Variants in KMT2D observed in about 807,000 individuals in gnomAD.
KMT2D encodes the protein histone-lysine N-methyltransferase 2D.
KMT2D carries 55 observed loss-of-function variants against 512.7 expected under a neutral mutation model. That is an observed-to-expected ratio of 0.11 (90% CI 0.09 to 0.13). KMT2D has a LOEUF of 0.13. Ranked by LOEUF, KMT2D falls within the 10% of genes least tolerant of loss-of-function variation. KMT2D has a pLI of 1.00. For synonymous variants in KMT2D, 2,995 were observed against 2,904.0 expected (o/e 1.03, Z -1.01); for missense variants, 6,061 against 7,127.9 (o/e 0.85, Z 5.39).
At position 49,053,054 on chromosome 12, in the gene KMT2D, C is replaced by A. The variant is rs778714676; in HGVS notation, c.973G>T (p.Ala325Ser). 2 of 1,614,010 alleles carry A rather than the reference C, an allele frequency of 1.2e-6. No individual in the cohort carries two copies. Among genetic ancestry groups the A allele is most frequent in the East Asian group, 4.5e-5 (2 of 44,890 alleles). Residue 325 changes from alanine to serine, a missense_variant, in exon 9 of 55, where the codon GCC becomes TCC. Around this residue, in one of 16 missense-constraint regions of KMT2D, gnomAD observed 848 missense variants for 838.5 expected, o/e 1.01. Coordinates refer to ENST00000301067, the MANE Select transcript of KMT2D (RefSeq NM_003482.4). The part of the protein sequence containing the change: ...WKCKACRVCR[A>S]CGAGSAELNP... Reference sequence around the variant, plus strand: ...AGTTCTGCTGAGCCCGCCCCACAGGCCCGGCACACCCGGCACGCCTAAGGG... The same window carrying A: ...AGTTCTGCTGAGCCCGCCCCACAGGACCGGCACACCCGGCACGCCTAAGGG...
At position 49,034,445 on chromosome 12, in the gene KMT2D, C is replaced by T. The variant is rs757247893; in HGVS notation, c.10472G>A (p.Arg3491His). ...ERSAGDPSQPRPNPPTFAQGV... is the reference protein window; with the variant it reads ...ERSAGDPSQPHPNPPTFAQGV... Reference sequence around the variant, plus strand: ...CTGAGCAAAAGTGGGCGGGTTGGGACGAGGCTGGGAGGGATCACCAGCACT... The same window carrying T: ...CTGAGCAAAAGTGGGCGGGTTGGGATGAGGCTGGGAGGGATCACCAGCACT... The change falls in exon 38 of 55, where the codon CGT becomes CAT. Residue 3491 changes from arginine to histidine, a missense_variant. Arg to His is a conservative substitution (Grantham distance 29). Coordinates refer to ENST00000301067, the MANE Select transcript of KMT2D (RefSeq NM_003482.4). The T allele has an allele frequency of 3.7e-5, 60 of 1,613,624 alleles. No homozygotes were observed. The highest frequency in any genetic ancestry group is 1.5e-4 in the Admixed American group (9 of 59,954).
At position 49,040,415 on chromosome 12, in the gene KMT2D, C is replaced by T. The variant is rs1169789725; in HGVS notation, c.7355G>A (p.Arg2452His). 1.9e-5 allele frequency: 30 copies of T among 1,560,076 alleles called. 1 individual carries two copies. In the South Asian group the frequency reaches 2.8e-4, roughly 14 times the overall value. Residue 2452 changes from arginine to histidine, a missense_variant, in exon 32 of 55, where the codon CGC becomes CAC. By Grantham distance (29) the Arg-to-His change is conservative (BLOSUM62 0). Transcript: ENST00000301067. ...PRFQSPDPYSRPPSRPQSRDP... is the reference protein window; with the variant it reads ...PRFQSPDPYSHPPSRPQSRDP... ...ACGGGACTGAGGGCGTGAGGGTGGG[C>T]GAGAATAAGGGTCAGGGGACTGGAA...
chr12:49,031,052 T>C lies in KMT2D; in HGVS notation c.13531-19A>G, dbSNP rs772693931. ...CTGCATCCTAAGCCAAATAAGCCCA[T>C]TGAAGGCTGCTACCCTCCTCCTCAG... On this transcript the variant is annotated intron_variant, in intron 40 of 54. Transcript: ENST00000301067. The C allele has an allele frequency of 8.1e-6, 13 of 1,612,774 alleles. No homozygotes were observed. Among genetic ancestry groups the C allele is most frequent in the Admixed American group, 1.7e-5 (1 of 59,990 alleles).
chr12:49,019,799 A>T lies in KMT2D; in HGVS notation c.*1981T>A. 4.4e-6 allele frequency: 1 copy of T among 225,642 alleles called. No individual in the cohort carries two copies. Among genetic ancestry groups the T allele is most frequent in the Non-Finnish European group, 8.8e-6 (1 of 113,940 alleles). 14.0% of individuals were successfully genotyped at this position (225,642 alleles called of 1,614,324 possible). A position where few individuals can be genotyped will look rare whatever the true frequency, so the allele number is the denominator to read the frequency against. Reference sequence around the variant, plus strand: ...TGAAACAGTTGAGGAAGCAGCTTTAAAAAAAAAAAATCTCCCTACCCCCAA... The same window carrying T: ...TGAAACAGTTGAGGAAGCAGCTTTATAAAAAAAAAATCTCCCTACCCCCAA... On this transcript the variant is annotated 3_prime_UTR_variant, in exon 55 of 55. Coordinates refer to ENST00000301067, the MANE Select transcript of KMT2D (RefSeq NM_003482.4).
In KMT2D at chr12:49,032,156, C is replaced by A. The variant is rs770484137; in HGVS notation, c.12549G>T (p.Gln4183His). The A allele has an allele frequency of 6.8e-6, 11 of 1,613,340 alleles. No individual in the cohort carries two copies. The South Asian group carries it at 1.1e-4, about 16-fold the overall frequency. ...PKPGPVLQSG[Q>H]GLPGVGIMPT... ...GCATGATTCCAACCCCAGGCAGACC[C>A]TGCCCAGACTGGAGGACAGGTCCTG... Residue 4183 changes from glutamine to histidine, a missense_variant, in exon 40 of 55, where the codon CAG (glutamine) becomes CAT (histidine). Gln to His is a conservative substitution (Grantham distance 24, BLOSUM62 0). Around this residue, in one of 16 missense-constraint regions of KMT2D, gnomAD observed 1,600 missense variants for 1,754.9 expected, o/e 0.91. Coordinates refer to ENST00000301067, the MANE Select transcript of KMT2D (RefSeq NM_003482.4).
Position 49,050,664 on chromosome 12 carries a change from G to A in KMT2D, c.2924C>T (p.Ala975Val), listed in dbSNP as rs1937911763. 1.9e-6 allele frequency: 3 copies of A among 1,613,420 alleles called. No homozygotes were observed. Residue 975 changes from alanine to valine, a missense_variant, in exon 12 of 55, where the codon GCC becomes GTC. Physicochemically the swap from Ala to Val is moderately conservative, Grantham distance 64 (BLOSUM62 0). Coordinates refer to ENST00000301067, the MANE Select transcript of KMT2D (RefSeq NM_003482.4). ...GDSDPESPLA[A>V]PILETPISPP... ...GCTGATGGGTGTCTCCAGGATGGGG[G>A]CAGCCAACGGTGACTCAGGGTCACT...
rs398123756 is a variant in KMT2D, at chr12:49,040,735, C to T, written c.7035G>A (p.Leu2345=). The T allele has an allele frequency of 2.4e-5, 39 of 1,613,360 alleles. No individual in the cohort carries two copies. Among genetic ancestry groups the T allele is most frequent in the Admixed American group, 1.2e-4 (7 of 59,964 alleles). ...ASQVEPQSPG[L]GLRPQEPPPA... is the part of the protein sequence containing the mutation. Reference sequence around the variant, plus strand: ...GGGGTGGCTCCTGGGGCCTTAGGCCCAAGCCCGGGCTCTGGGGCTCTACCT... The same window carrying T: ...GGGGTGGCTCCTGGGGCCTTAGGCCTAAGCCCGGGCTCTGGGGCTCTACCT... Residue 2345 remains leucine, a synonymous_variant, in exon 32 of 55, where the codon TTG becomes TTA. Transcript: ENST00000301067.
chr12:49,053,870 A>G lies in KMT2D; in HGVS notation c.673+108T>C, dbSNP rs1426124128. The G allele has an allele frequency of 6.2e-6, 8 of 1,283,036 alleles. No individual in the cohort carries two copies. The African/African-American group carries it at 1.2e-4, about 19-fold the overall frequency. 79.5% of individuals were successfully genotyped at this position (1,283,036 alleles called of 1,614,324 possible). On this transcript the variant is annotated intron_variant, in intron 6 of 54. Coordinates refer to ENST00000301067, the MANE Select transcript of KMT2D (RefSeq NM_003482.4). ...GTTCACACCTATTTTAGTGGGGCAG[A>G]CCAACAGTAAATAATGCTATACTTT...
rs1943533964 is a variant in KMT2D, at chr12:49,041,591, C to G, written c.6235-56G>C. 6.2e-7 allele frequency: 1 copy of G among 1,612,314 alleles called. No individual in the cohort carries two copies. Among genetic ancestry groups the G allele is most frequent in the African/African-American group, 1.3e-5 (1 of 74,888 alleles). ...AGGCTGCTGCAGGCAGGCCCCATGG[C>G]CCTCCACCCTCAAGAGAGGCCACCC... is the stretch of plus-strand genomic sequence containing the variant. On this transcript the variant is annotated intron_variant, in intron 31 of 54. Transcript: ENST00000301067. The surrounding 1 kb of genome is among the most constrained non-coding windows in gnomAD (Gnocchi z 5.4).
Position 49,027,136 on chromosome 12 carries a change from G to C in KMT2D, c.14830C>G (p.Pro4944Ala), listed in dbSNP as rs750167046. ...VELPTEPLAE[P>A]PVPSPLPLAS... ...AGTGGCAGAGGTGAGGGGACGGGTG[G>C]CTCAGCCAAGGGTTCGGTGGGAAGT... Residue 4944 changes from proline to alanine, a missense_variant, in exon 49 of 55, where the codon CCA (proline) becomes GCA (alanine). Transcript: ENST00000301067. The C allele has an allele frequency of 6.3e-7, 1 of 1,578,882 alleles. No homozygotes were observed. Among genetic ancestry groups the C allele is most frequent in the Non-Finnish European group, 8.6e-7 (1 of 1,159,764 alleles).
Position 49,030,411 on chromosome 12 carries a change from G to C in KMT2D, c.13868C>G (p.Pro4623Arg). ...KNNLSNPPTP[P>R]SSLPPTPPPS... ...GGGTGGGGTGGGGGGCAGCGACGAG[G>C]GTGGTGTCGGCGGGTTACTCAGGTT... The change falls in exon 43 of 55, where the codon CCC (proline) becomes CGC (arginine). Residue 4623 changes from proline (P) to arginine (R), a missense_variant. Physicochemically the swap from Pro to Arg is moderately radical, Grantham distance 103 (BLOSUM62 -2). Coordinates refer to ENST00000301067, the MANE Select transcript of KMT2D (RefSeq NM_003482.4). The C allele has an allele frequency of 7.0e-7, 1 of 1,431,250 alleles. No individual in the cohort carries two copies. Among genetic ancestry groups the C allele is most frequent in the Non-Finnish European group, 9.4e-7 (1 of 1,063,500 alleles). 88.7% of individuals were successfully genotyped at this position (1,431,250 alleles called of 1,614,324 possible).
Position 49,039,691 on chromosome 12 carries a change from T to C in KMT2D, c.8046+33A>G, listed in dbSNP as rs200118069. ...AGGGCTGCCCCAGAGACAGGAGCGA[T>C]ATAGGGGGCTTAGCTCCAGGGTGTC... On this transcript the variant is annotated intron_variant, in intron 32 of 54. Transcript: ENST00000301067. The surrounding 1 kb of genome is among the most constrained non-coding windows in gnomAD (Gnocchi z 5.0). 175 of 1,607,244 alleles carry C rather than the reference T, an allele frequency of 1.1e-4. No individual in the cohort carries two copies. Among genetic ancestry groups the C allele is most frequent in the Non-Finnish European group, 3.2e-5 (38 of 1,177,810 alleles).
In KMT2D at chr12:49,051,722, G is replaced by T. The variant is rs747101567; in HGVS notation, c.1961C>A (p.Ser654Tyr). The stretch of plus-strand genomic sequence containing the variant: ...CAGGCGTGACACCACAGGCAGGGGG[G>T]ATAGGCGCGATACCTCAGGTGGGGG... ...MSPPPEVSRL[S>Y]PLPVVSRLSP... The change falls in exon 11 of 55, where the codon TCC becomes TAC. Residue 654 changes from serine to tyrosine, a missense_variant. By Grantham distance (144) the Ser-to-Tyr change is moderately radical. Transcript: ENST00000301067. 5.3e-5 allele frequency: 77 copies of T among 1,459,164 alleles called. 1 individual carries two copies. In the Admixed American group the frequency reaches 1.3e-3, roughly 25 times the overall value. The allele number at this position is 1,459,164 out of a possible 1,614,324, so 90.4% of individuals were successfully genotyped here. A position where few individuals can be genotyped will look rare whatever the true frequency, so the allele number is the denominator to read the frequency against.
Position 49,021,128 on chromosome 12 carries a change from G to C in KMT2D, c.*652C>G, listed in dbSNP as rs573000768. 5.0e-6 allele frequency: 1 copy of C among 199,374 alleles called. No individual in the cohort carries two copies. Among genetic ancestry groups the C allele is most frequent in the South Asian group, 1.9e-4 (1 of 5,214 alleles). The allele number at this position is 199,374 out of a possible 1,614,324, so 12.4% of individuals were successfully genotyped here. On this transcript the variant is annotated 3_prime_UTR_variant, in exon 55 of 55. Coordinates refer to ENST00000301067, the MANE Select transcript of KMT2D (RefSeq NM_003482.4). ...GTAGGTGTGGGTGCGGGGTCTCCTT[G>C]CCCGGCTTGCCCAGCTTGCCCTCCT...
chr12:49,044,650 G>A lies in KMT2D; in HGVS notation c.4963+94C>T. ...CTTAGACGAGACAGCAGTGCTTAAGGGTAACTGAGTGGCAATGTAGCCCCC... is the reference window on the plus strand; with the variant it reads ...CTTAGACGAGACAGCAGTGCTTAAGAGTAACTGAGTGGCAATGTAGCCCCC... On this transcript the variant is annotated intron_variant, in intron 20 of 54. Transcript: ENST00000301067. The surrounding 1 kb of genome is among the most constrained non-coding windows in gnomAD (Gnocchi z 6.4). 2 of 1,547,286 alleles carry A rather than the reference G, an allele frequency of 1.3e-6. No individual in the cohort carries two copies. The highest frequency in any genetic ancestry group is 1.8e-6 in the Non-Finnish European group (2 of 1,133,924).
In KMT2D at chr12:49,040,604, G is replaced by C. The variant is rs1943466157; in HGVS notation, c.7166C>G (p.Pro2389Arg). Residue 2389 changes from proline (P) to arginine (R), a missense_variant, in exon 32 of 55, where the codon CCT becomes CGT. Physicochemically the swap from Pro to Arg is moderately radical, Grantham distance 103. Coordinates refer to ENST00000301067, the MANE Select transcript of KMT2D (RefSeq NM_003482.4). ...AQPPLTPRPQ[P>R]PPPESCCALP... Reference sequence around the variant, plus strand: ...AGCACAGCAGCTCTCAGGGGGCGGAGGTTGGGGCCGAGGAGTCAATGGGGG... The same window carrying C: ...AGCACAGCAGCTCTCAGGGGGCGGACGTTGGGGCCGAGGAGTCAATGGGGG... The C allele has an allele frequency of 6.2e-7, 1 of 1,613,594 alleles. No homozygotes were observed.
At chr12:49,058,674 C>T (rs1333790282) in intron 1 of KMT2D, among the ~76,000 whole-genome samples, 1 of 152,188 alleles carries the variant, frequency 6.6e-6, no homozygotes, top group Non-Finnish European at 1.5e-5. Flanking sequence ...ACACAGGCCA[C>T]CCCATTCTGC....
In KMT2D at chr12:49,055,552, G is replaced by A. The variant is rs140009821; in HGVS notation, c.-37-191C>T. On this transcript the variant is annotated intron_variant, in intron 1 of 54. Coordinates refer to ENST00000301067, the MANE Select transcript of KMT2D (RefSeq NM_003482.4). ...ACTTCCTCCCCAGATAAACACATAC[G>A]CTCTTCTCACACTCTGGAGAGATTC... Among the ~76,000 whole-genome samples the A allele has an allele frequency of 2.0e-4, 30 of 152,236 alleles. No homozygotes were observed. In the South Asian group the frequency reaches 5.8e-3, roughly 29 times the overall value.
Position 49,054,251 on chromosome 12 carries a change from C to T in KMT2D, c.510+56G>A. On this transcript the variant is annotated intron_variant, in intron 5 of 54. Transcript: ENST00000301067. The surrounding 1 kb of genome is among the most constrained non-coding windows in gnomAD (Gnocchi z 6.4). Reference sequence around the variant, plus strand: ...TGGTCCTTCTCATTCCAACCTGACTCTCAGAAGCCCACCAGCCCTGCCCTT... The same window carrying T: ...TGGTCCTTCTCATTCCAACCTGACTTTCAGAAGCCCACCAGCCCTGCCCTT... 1 of 1,541,984 alleles carries T rather than the reference C, an allele frequency of 6.5e-7. No individual in the cohort carries two copies. The highest frequency in any genetic ancestry group is 2.4e-5 in the East Asian group (1 of 41,114).
Sources: allele counts gnomAD v4.1 joint callset (sites outside exome capture counted in the v4.1 genomes callset), GRCh38; gene constraint gnomAD v4.1.1; regional missense constraint gnomAD v4.1.1; non-coding constraint Gnocchi (gnomAD v3.1); transcripts MANE v1.5; gene names NCBI Gene and HGNC (gene_info 2026-07-23, HGNC 2026-07-21).